Variants in ZC3H14 observed in about 807,000 individuals in gnomAD.
The protein encoded by ZC3H14 is zinc finger CCCH-type containing 14.
A neutral mutation model predicts 92.4 loss-of-function variants in ZC3H14; 31 were observed. The observed-to-expected ratio is 0.34, with a 90% CI of 0.25 to 0.45. The LOEUF is 0.45. Among genes scored for constraint, ZC3H14 ranks in the 20% least tolerant of loss-of-function variants. ZC3H14 has a pLI of 1.00. For synonymous variants in ZC3H14, 321 were observed against 300.9 expected, an observed-to-expected ratio of 1.07 and a Z score of -0.69; for missense variants, 781 against 897.3, an observed-to-expected ratio of 0.87 and a Z score of 1.66.
intron 9 of ZC3H14, among the ~76,000 whole-genome samples, chr14:88,587,053 A>G (rs977120492): frequency 6.6e-5 from 10 of 152,166 alleles, no homozygotes; most frequent in African/African-American, 2.4e-4. Context: ...AGCAAAATCA[A>G]TTTTTAATTC....
intron 9 of ZC3H14, among the ~76,000 whole-genome samples, chr14:88,582,294 C>G (rs913175467): frequency 2.0e-5 from 3 of 152,156 alleles, no homozygotes; most frequent in African/African-American, 7.2e-5. Context: ...TCATCAAGCT[C>G]CCAGTCCAGC....
chr14:88,584,751 G>A (rs1289267511), intron 9 of ZC3H14, among the ~76,000 whole-genome samples: 5 of 152,138 alleles, frequency 3.3e-5, no homozygotes, highest in Admixed American at 2.0e-4. Context: ...CATGTTTAGT[G>A]CAATACTGTA....
chr14:88,608,526 T>C lies in ZC3H14; in HGVS notation c.1869-741T>C. The C allele has an allele frequency of 1.2e-5, 3 of 255,618 alleles. No individual in the cohort carries two copies. The South Asian group carries it at 1.2e-4, about 11-fold the overall frequency. The allele number at this position is 255,618 out of a possible 1,614,324, so 15.8% of individuals were successfully genotyped here. ...CGTATTTCTTGTTCATGTATGTTTG[T>C]TGAGAGGCAAGGGTGGGGGGGCTTT... On this transcript the variant is annotated intron_variant, in intron 13 of 16. Coordinates refer to ENST00000251038, the MANE Select transcript of ZC3H14 (RefSeq NM_024824.5).
chr14:88,616,336 GGA>G lies in ZC3H14; in HGVS notation c.*4591_*4592del. On this transcript the variant is annotated 3_prime_UTR_variant, in exon 17 of 17. Coordinates refer to ENST00000251038, the MANE Select transcript of ZC3H14 (RefSeq NM_024824.5). ...CTATAATCTCTATGACAAGAGCTGT[GGA>G]GAGAGTAGGGAGTTAGCACCGCAGC... 8.2e-7 allele frequency: 1 copy of G among 1,226,144 alleles called. No individual in the cohort carries two copies. Among genetic ancestry groups the G allele is most frequent in the South Asian group, 1.3e-5 (1 of 79,850 alleles). 76.0% of individuals were successfully genotyped at this position (1,226,144 alleles called of 1,614,324 possible). A position where few individuals can be genotyped will look rare whatever the true frequency, so the allele number is the denominator to read the frequency against.
chr14:88,616,320 CTA>C lies in ZC3H14; in HGVS notation c.*4571_*4572del. The C allele has an allele frequency of 7.3e-7, 1 of 1,364,374 alleles. No individual in the cohort carries two copies. Among genetic ancestry groups the C allele is most frequent in the South Asian group, 1.2e-5 (1 of 84,774 alleles). The allele number at this position is 1,364,374 out of a possible 1,614,324, so 84.5% of individuals were successfully genotyped here. ...AGGCTCTTATTAGGAACTATAATCT[CTA>C]TGACAAGAGCTGTGGAGAGAGTAGG... On this transcript the variant is annotated 3_prime_UTR_variant, in exon 17 of 17. Coordinates refer to ENST00000251038, the MANE Select transcript of ZC3H14 (RefSeq NM_024824.5).
At chr14:88,588,099 A>G (rs1419728618) in intron 9 of ZC3H14, among the ~76,000 whole-genome samples, 1 of 150,352 alleles carries the variant, frequency 6.7e-6, no homozygotes, top group East Asian at 2.0e-4. Context: ...GCCTACCTGT[A>G]CTGTAGCCTA....
At chr14:88,563,564 A>T (rs558690739) in intron 1 of ZC3H14, 87 bp from the exon 2 acceptor site, 69 of 1,589,342 alleles carry the variant, frequency 4.3e-5, no homozygotes, top group Non-Finnish European at 5.5e-5. Context: ...TGCGCGCACC[A>T]GCAAAGTGGC....
intron 15 of ZC3H14, among the ~76,000 whole-genome samples, chr14:88,610,226 CCTT>C (rs1283813482): frequency 6.6e-6 from 1 of 152,164 alleles, no homozygotes; most frequent in Non-Finnish European, 1.5e-5. Flanking sequence ...TGAATTATCT[CCTT>C]CTTGCCCCGG....
intron 6 of ZC3H14, 77 bp downstream of exon 6, chr14:88,573,084 A>T: frequency 6.6e-7 from 1 of 1,519,812 alleles, no homozygotes; most frequent in Non-Finnish European, 9.0e-7. Flanking sequence ...TGAAGTAACT[A>T]AACACATATT....
intron 6 of ZC3H14, among the ~76,000 whole-genome samples, chr14:88,573,909 G>A (rs1162080026): frequency 2.0e-5 from 3 of 152,270 alleles, no homozygotes; most frequent in Admixed American, 6.5e-5. Flanking sequence ...GTACCATGGC[G>A]CCTGGCCCCA....
At chr14:88,587,512 G>C (rs965810842) in intron 9 of ZC3H14, among the ~76,000 whole-genome samples, 1 of 151,986 alleles carries the variant, frequency 6.6e-6, no homozygotes, top group African/African-American at 2.4e-5. Context: ...CCTACATTCT[G>C]TCCTGCCTCC....
Position 88,627,495 on chromosome 14 carries a change from T to A in ZC3H14, c.*15744T>A. On this transcript the variant is annotated 3_prime_UTR_variant, in exon 17 of 17. Coordinates refer to ENST00000251038, the MANE Select transcript of ZC3H14 (RefSeq NM_024824.5). ...TCCACTGGGCTTTTAAAGTGAAATA[T>A]ACCTACAGTACCACTGTGTACAGTA... is the stretch of plus-strand genomic sequence containing the variant. The A allele has an allele frequency of 1.5e-6, 1 of 671,256 alleles. No individual in the cohort carries two copies. The highest frequency in any genetic ancestry group is 2.3e-6 in the Non-Finnish European group (1 of 427,044). 41.6% of individuals were successfully genotyped at this position (671,256 alleles called of 1,614,324 possible).
At chr14:88,574,983 C>T (rs1566907384) in intron 7 of ZC3H14, 130 bp downstream of exon 7, 2 of 1,410,438 alleles carry the variant, frequency 1.4e-6, no homozygotes, top group East Asian at 5.0e-5. Context: ...GTCAACCAGG[C>T]TGGAGTGCAG....
At chr14:88,569,763 C>G (rs1324228603) in intron 3 of ZC3H14, among the ~76,000 whole-genome samples, 1 of 152,128 alleles carries the variant, frequency 6.6e-6, no homozygotes, top group African/African-American at 2.4e-5. Context: ...TGTTTTTGCC[C>G]AAGTAGGCAA....
intron 16 of ZC3H14, 41 bp downstream of exon 16, chr14:88,610,981 C>T (rs748958443): frequency 3.0e-5 from 47 of 1,563,746 alleles, no homozygotes; most frequent in Non-Finnish European, 3.8e-5. Flanking sequence ...AGTTCAAATT[C>T]TTTTTTCTAA....
chr14:88,581,420 G>T (rs1335997878), intron 9 of ZC3H14, among the ~76,000 whole-genome samples: 1 of 152,070 alleles, frequency 6.6e-6, no homozygotes, highest in Non-Finnish European at 1.5e-5. Context: ...AATTAGCTGG[G>T]TGTTGTGGTG....
rs932895262 is a variant in ZC3H14 at position 88,575,821 on chromosome 14, C to T, written c.1023-19C>T. ...TGAAATTTAAAGTTTAATAAAAATA[C>T]CTTTCTTAACTCTTTTAGACCTTCT... is the stretch of plus-strand genomic sequence containing the variant. On this transcript the variant is annotated intron_variant, in intron 7 of 16. Transcript: ENST00000251038. The T allele has an allele frequency of 6.3e-7, 1 of 1,591,210 alleles. No individual in the cohort carries two copies. The highest frequency in any genetic ancestry group is 8.6e-7 in the Non-Finnish European group (1 of 1,160,176).
chr14:88,627,297 T>C lies in ZC3H14; in HGVS notation c.*15546T>C. 3.8e-6 allele frequency: 2 copies of C among 525,536 alleles called. No homozygotes were observed. The allele number at this position is 525,536 out of a possible 1,614,324, so 32.6% of individuals were successfully genotyped here. ...GTCTAAAGTGTGGTAGGTAATATTA[T>C]CCTGCTGATCTGCCATTATCATTAG... is the stretch of plus-strand genomic sequence containing the variant. On this transcript the variant is annotated 3_prime_UTR_variant, in exon 17 of 17. Coordinates refer to ENST00000251038, the MANE Select transcript of ZC3H14 (RefSeq NM_024824.5).
intron 4 of ZC3H14, 78 bp from the exon 5 acceptor site, chr14:88,571,952 G>C: frequency 8.3e-7 from 1 of 1,206,088 alleles, no homozygotes; most frequent in South Asian, 1.8e-5. Context: ...GACAGAGCGA[G>C]ACTCCATCTC....
Sources: gnomAD v4.1 joint callset for allele counts (sites outside exome capture counted in the v4.1 genomes callset) on GRCh38, gnomAD v4.1.1 for gene constraint, MANE v1.5 for transcripts, NCBI Gene and HGNC (gene_info 2026-07-23, HGNC 2026-07-21) for gene names.